The following GRM6 variants were observed in gnomAD, a reference collection of about 807,000 sequenced individuals.
GRM6 encodes the protein glutamate metabotropic receptor 6, also known as metabotropic glutamate receptor 6.
GRM6 carries 73 observed loss-of-function variants against 78.4 expected under a neutral mutation model. That is an observed-to-expected ratio of 0.93 (90% CI 0.77 to 1.13). The LOEUF is 1.13. Among genes scored for constraint, GRM6 ranks in the 50% most tolerant of loss-of-function variants. The pLI, the probability that GRM6 is intolerant of heterozygous loss-of-function variation, is 0.00. For missense variants in GRM6, 1,251 were observed against 1,256.4 expected, an observed-to-expected ratio of 1.00 and a Z score of 0.07; for synonymous variants, 580 against 555.0, an observed-to-expected ratio of 1.05 and a Z score of -0.63.
rs771257943 is a variant in GRM6 at position 178,981,783 on chromosome 5, G to A, written c.2508C>T (p.Tyr836=). The A allele has an allele frequency of 1.2e-5, 19 of 1,612,448 alleles. No homozygotes were observed. The highest frequency in any genetic ancestry group is 4.5e-5 in the East Asian group (2 of 44,866). Residue 836 remains tyrosine, a synonymous_variant, in exon 11 of 11, where the codon TAC becomes TAT. Transcript: ENST00000517717. This position sits in a 1 kb window ranked among gnomAD's most constrained non-coding sequence, Gnocchi z 5.1. Reference sequence around the variant, plus strand: ...AGAGGATGACGTAGGTTTTGGGTACGTAGAGCATGCCGAGGGACACCGAGG... The same window carrying A: ...AGAGGATGACGTAGGTTTTGGGTACATAGAGCATGCCGAGGGACACCGAGG... The part of the protein sequence containing the change: ...LSASVSLGML[Y]VPKTYVILFH...
rs773047322 is a variant in GRM6, at chr5:178,989,339, A to T, written c.1079T>A (p.Phe360Tyr). ...NNRRNIWFAE[F>Y]WEENFNCKLT... ...TTTGCAGTTAAAATTCTCTTCCCAG[A>T]ACTCGGCGAACCAGATGTTCCTGCG... The change falls in exon 6 of 11, where the codon TTC (phenylalanine) becomes TAC (tyrosine). Residue 360 changes from phenylalanine to tyrosine, a missense_variant. By Grantham distance (22) the Phe-to-Tyr change is conservative. Transcript: ENST00000517717. 1.5e-5 allele frequency: 24 copies of T among 1,613,962 alleles called. No homozygotes were observed. Among genetic ancestry groups the T allele is most frequent in the Non-Finnish European group, 1.9e-5 (23 of 1,179,944 alleles).
Position 178,981,735 on chromosome 5 carries a change from C to T in GRM6, c.2556G>A (p.Gln852=). The change falls in exon 11 of 11, where the codon CAG becomes CAA. Residue 852 remains glutamine, a synonymous_variant. Coordinates refer to ENST00000517717, the MANE Select transcript of GRM6 (RefSeq NM_000843.4). This position sits in a 1 kb window ranked among gnomAD's most constrained non-coding sequence, Gnocchi z 5.1. ...VILFHPEQNV[Q]KRKRSLKATS... is the part of the protein sequence containing the mutation. The stretch of plus-strand genomic sequence containing the variant: ...TGGCCTTGAGGCTCCGCTTTCGCTT[C>T]TGCACATTCTGCTCTGGATGGAAGA... The T allele has an allele frequency of 6.2e-7, 1 of 1,614,054 alleles. No homozygotes were observed. The highest frequency in any genetic ancestry group is 1.1e-5 in the South Asian group (1 of 91,086).
At position 178,980,326 on chromosome 5, in the gene GRM6, T is replaced by C. The variant is rs1760365691; in HGVS notation, c.*1331A>G. On this transcript the variant is annotated 3_prime_UTR_variant, in exon 11 of 11. Coordinates refer to ENST00000517717, the MANE Select transcript of GRM6 (RefSeq NM_000843.4). This position sits in a 1 kb window ranked among gnomAD's most constrained non-coding sequence, Gnocchi z 4.3. ...TAAACCAAGCTTTTTGTAAAAACTA[T>C]CAGTGAAAAACAAATGTGCGTGCAT... The C allele has an allele frequency of 6.5e-6, 1 of 154,392 alleles. No individual in the cohort carries two copies. Among genetic ancestry groups the C allele is most frequent in the African/African-American group, 2.4e-5 (1 of 41,510 alleles). The allele number at this position is 154,392 out of a possible 1,614,324, so 9.6% of individuals were successfully genotyped here. A position where few individuals can be genotyped will look rare whatever the true frequency, so the allele number is the denominator to read the frequency against.
In GRM6 at chr5:178,991,500, T is replaced by C. The variant is rs1760671730; in HGVS notation, c.781A>G (p.Ser261Gly). The change falls in exon 4 of 11, where the codon AGC becomes GGC. Residue 261 changes from serine (S) to glycine (G), a missense_variant. Physicochemically the swap from Ser to Gly is moderately conservative, Grantham distance 56 (BLOSUM62 0). Transcript: ENST00000517717. The surrounding 1 kb of genome is among the most constrained non-coding windows in gnomAD (Gnocchi z 5.0). ...IPREPKPGEF[S>G]KVIRRLMETP... ...TCCATGAGTCTCCTGATCACCTTGC[T>C]GAACTCTCCTGGCTTTGGTTCCCTG... 1 of 1,613,446 alleles carries C rather than the reference T, an allele frequency of 6.2e-7. No individual in the cohort carries two copies. Among genetic ancestry groups the C allele is most frequent in the Admixed American group, 1.7e-5 (1 of 59,982 alleles).
At chr5:178,985,044 C>T (rs1410305216) in intron 9 of GRM6, among the ~76,000 whole-genome samples, 1 of 152,114 alleles carries the variant, frequency 6.6e-6, no homozygotes, top group Admixed American at 6.6e-5. Context: ...CAAAGGAGCT[C>T]CATTATTTAA....
intron 5 of GRM6, 144 bp from the exon 6 acceptor site, chr5:178,989,549 G>T: frequency 9.7e-7 from 1 of 1,028,608 alleles, no homozygotes; most frequent in Admixed American, 1.8e-5. Flanking sequence ...GGCCAGGTGA[G>T]CTAGGAGTGG....
Position 178,981,243 on chromosome 5 carries a change from A to C in GRM6, c.*414T>G. The C allele has an allele frequency of 4.9e-6, 1 of 205,892 alleles. No homozygotes were observed. The highest frequency in any genetic ancestry group is 9.9e-6 in the Non-Finnish European group (1 of 101,134). The allele number at this position is 205,892 out of a possible 1,614,324, so 12.8% of individuals were successfully genotyped here. On this transcript the variant is annotated 3_prime_UTR_variant, in exon 11 of 11. Transcript: ENST00000517717. The surrounding 1 kb of genome is among the most constrained non-coding windows in gnomAD (Gnocchi z 5.1). ...CTCCTCCACTCCAACCCCATGTTTC[A>C]TTCTGGGGTCTACACGTTCTTCCAC...
rs1365504339 is a variant in GRM6, at chr5:178,992,370, G to A, written c.505-287C>T. 1 of 537,270 alleles carries A rather than the reference G, an allele frequency of 1.9e-6. No individual in the cohort carries two copies. 33.3% of individuals were successfully genotyped at this position (537,270 alleles called of 1,614,324 possible). On this transcript the variant is annotated intron_variant, in intron 2 of 10. Coordinates refer to ENST00000517717, the MANE Select transcript of GRM6 (RefSeq NM_000843.4). This position sits in a 1 kb window ranked among gnomAD's most constrained non-coding sequence, Gnocchi z 4.9. ...AGAGGGCAGGACCGCCACATATACT[G>A]GTACAAGCTGTGTCCTGAACAAGGA...
In GRM6 at chr5:178,981,078, C is replaced by T. The variant is rs1229911808; in HGVS notation, c.*579G>A. 6.3e-6 allele frequency: 1 copy of T among 159,736 alleles called. No individual in the cohort carries two copies. The highest frequency in any genetic ancestry group is 6.0e-5 in the Admixed American group (1 of 16,720). 9.9% of individuals were successfully genotyped at this position (159,736 alleles called of 1,614,324 possible). A position where few individuals can be genotyped will look rare whatever the true frequency, so the allele number is the denominator to read the frequency against. Reference sequence around the variant, plus strand: ...GCGCACCCCAGTTCCTCAGCTCACTCCCGCGCCCACTGCAGGCCCTTCCCA... The same window carrying T: ...GCGCACCCCAGTTCCTCAGCTCACTTCCGCGCCCACTGCAGGCCCTTCCCA... On this transcript the variant is annotated 3_prime_UTR_variant, in exon 11 of 11. Coordinates refer to ENST00000517717, the MANE Select transcript of GRM6 (RefSeq NM_000843.4). The surrounding 1 kb of genome is among the most constrained non-coding windows in gnomAD (Gnocchi z 5.1).
Position 178,986,523 on chromosome 5 carries a change from C to T in GRM6, c.1731G>A (p.Val577=), listed in dbSNP as rs1479409349. 2 of 1,608,716 alleles carry T rather than the reference C, an allele frequency of 1.2e-6. No homozygotes were observed. The highest frequency in any genetic ancestry group is 2.2e-5 in the South Asian group (2 of 90,972). The change falls in exon 9 of 11, where the codon GTG becomes GTA. Residue 577 remains valine (V), a synonymous_variant. Transcript: ENST00000517717. ...NHTGCRPTPV[V]RLSWSSPWAA... ...CCCAGGGGGAGGACCAGCTCAGGCG[C>T]ACCACAGGTGTGGGGCGGCAGCCCG...
In GRM6 at chr5:178,989,202, CCCCTCCCCA is replaced by C. The variant is rs70997656; in HGVS notation, c.1153+54_1153+62del. The C allele has an allele frequency of 0.52, 679,115 of 1,315,070 alleles. 171,146 individuals carry two copies. The highest frequency in any genetic ancestry group is 0.53 in the Non-Finnish European group (497,696 of 934,518). 81.5% of individuals were successfully genotyped at this position (1,315,070 alleles called of 1,614,324 possible). A position where few individuals can be genotyped will look rare whatever the true frequency, so the allele number is the denominator to read the frequency against. ...GCACCGAACCCGGCCTCCCGCCTTCCCCCTCCCCACCCTCACCACCCTCCCCACCCTCCC... is the reference window on the plus strand; with the variant it reads ...GCACCGAACCCGGCCTCCCGCCTTCCCCCTCACCACCCTCCCCACCCTCCC... On this transcript the variant is annotated intron_variant, in intron 6 of 10. Coordinates refer to ENST00000517717, the MANE Select transcript of GRM6 (RefSeq NM_000843.4).
Position 178,983,074 on chromosome 5 carries a change from T to C in GRM6, c.2272A>G (p.Ser758Gly). 2.5e-6 allele frequency: 4 copies of C among 1,614,142 alleles called. No homozygotes were observed. Among genetic ancestry groups the C allele is most frequent in the South Asian group, 1.1e-5 (1 of 91,088 alleles). Residue 758 changes from serine to glycine, a missense_variant, in exon 10 of 11, where the codon AGC becomes GGC. Transcript: ENST00000517717. Reference sequence around the variant, plus strand: ...GTGCACGTGACCATGAGCAGGAGGCTGTAGCCCAGGCAGCCGATGAGAGAC... The same window carrying C: ...GTGCACGTGACCATGAGCAGGAGGCCGTAGCCCAGGCAGCCGATGAGAGAC... Reference protein sequence around the residue: ...DLSLIGCLGYSLLLMVTCTVY... With the variant: ...DLSLIGCLGYGLLLMVTCTVY...
chr5:178,986,890 C>A lies in GRM6; in HGVS notation c.1448G>T (p.Ser483Ile), dbSNP rs1172650624. ...GCCCACTGCCTGGTACCCGCCACTG[C>A]TGGCACTGCCATTGGTCGCCTGGTA... The part of the protein sequence containing the change: ...FQYQATNGSA[S>I]SGGYQAVGQW... The change falls in exon 8 of 11, where the codon AGC becomes ATC. Residue 483 changes from serine to isoleucine, a missense_variant. Coordinates refer to ENST00000517717, the MANE Select transcript of GRM6 (RefSeq NM_000843.4). 1 of 1,614,196 alleles carries A rather than the reference C, an allele frequency of 6.2e-7. No individual in the cohort carries two copies. The highest frequency in any genetic ancestry group is 1.7e-5 in the Admixed American group (1 of 60,034).
Position 178,986,214 on chromosome 5 carries a change from C to G in GRM6, c.2040G>C (p.Glu680Asp). ...TKTNRIYRIF[E>D]QGKRSVTPPP... ...GGGGTGTGACCGAGCGCTTGCCCTGCTCAAAGATGCGGTAGATACGGTTGG... is the reference window on the plus strand; with the variant it reads ...GGGGTGTGACCGAGCGCTTGCCCTGGTCAAAGATGCGGTAGATACGGTTGG... The change falls in exon 9 of 11, where the codon GAG (glutamate) becomes GAC (aspartate). Residue 680 changes from glutamate (E) to aspartate (D), a missense_variant. Physicochemically the swap from Glu to Asp is conservative, Grantham distance 45 (BLOSUM62 2). Transcript: ENST00000517717. 6.2e-7 allele frequency: 1 copy of G among 1,614,156 alleles called. No individual in the cohort carries two copies. Among genetic ancestry groups the G allele is most frequent in the Non-Finnish European group, 8.5e-7 (1 of 1,180,022 alleles).
chr5:178,989,207 C>G, intron 6 of GRM6, 58 bp downstream of exon 6: 1 of 254,644 alleles, frequency 3.9e-6, no homozygotes, highest in Non-Finnish European at 6.3e-6. Context: ...CCTTCCCCCT[C>G]CCCACCCTCA....
rs1179282288 is a variant in GRM6, at chr5:178,992,988, T to C, written c.505-905A>G. Among the ~76,000 whole-genome samples, 1 of 151,966 alleles carries C rather than the reference T, an allele frequency of 6.6e-6. No homozygotes were observed. Among genetic ancestry groups the C allele is most frequent in the Non-Finnish European group, 1.5e-5 (1 of 67,978 alleles). On this transcript the variant is annotated intron_variant, in intron 2 of 10. Transcript: ENST00000517717. This position sits in a 1 kb window ranked among gnomAD's most constrained non-coding sequence, Gnocchi z 4.9. ...CCAGTGGCCACAGCTCAGTGAATAATGCTGTGGTCCTCCCAGCTCTCCTGG... is the reference window on the plus strand; with the variant it reads ...CCAGTGGCCACAGCTCAGTGAATAACGCTGTGGTCCTCCCAGCTCTCCTGG...
chr5:178,985,496 G>T (rs1042009799), intron 9 of GRM6: 2 of 344,250 alleles, frequency 5.8e-6, no homozygotes, highest in Admixed American at 4.0e-5. Context: ...GAGGTCAGGA[G>T]ATCGAGACCA....
chr5:178,982,842 C>T, intron 10 of GRM6, 68 bp downstream of exon 10: 2 of 1,104,734 alleles, frequency 1.8e-6, no homozygotes, highest in South Asian at 2.5e-5. Context: ...AGCATTTAAT[C>T]TCATGAATGA....
rs778389210 is a variant in GRM6 at position 178,989,126 on chromosome 5, C to T, written c.1163G>A (p.Arg388His). The change falls in exon 7 of 11, where the codon CGC (arginine) becomes CAC (histidine). Residue 388 changes from arginine (R) to histidine (H), a missense_variant. Physicochemically the swap from Arg to His is conservative, Grantham distance 29. Coordinates refer to ENST00000517717, the MANE Select transcript of GRM6 (RefSeq NM_000843.4). Reference sequence around the variant, plus strand: ...CTCGTAGGTGGAGTCCCGGCCGATGCGTTCCTCGCCTGTCCTAGGGATGCC... The same window carrying T: ...CTCGTAGGTGGAGTCCCGGCCGATGTGTTCCTCGCCTGTCCTAGGGATGCC... ...DSTRKCTGEERIGRDSTYEQE... is the reference protein window; with the variant it reads ...DSTRKCTGEEHIGRDSTYEQE... 12 of 1,613,768 alleles carry T rather than the reference C, an allele frequency of 7.4e-6. No homozygotes were observed. Among genetic ancestry groups the T allele is most frequent in the Admixed American group, 1.7e-5 (1 of 59,972 alleles).
Sources: allele counts gnomAD v4.1 joint callset (sites outside exome capture counted in the v4.1 genomes callset), GRCh38; gene constraint gnomAD v4.1.1; non-coding constraint Gnocchi (gnomAD v3.1); transcripts MANE v1.5; gene names NCBI Gene and HGNC (gene_info 2026-07-23, HGNC 2026-07-21).